PDE4B: variants seen among roughly 807,000 people sequenced by gnomAD.
PDE4B encodes the protein 3',5'-cyclic-AMP phosphodiesterase 4B.
PDE4B carries 20 observed loss-of-function variants against 82.2 expected under a neutral mutation model. The observed-to-expected ratio is 0.24, with a 90% CI of 0.17 to 0.35. PDE4B has a LOEUF of 0.35. Among genes scored for constraint, PDE4B ranks in the 10% least tolerant of loss-of-function variants. The pLI is 1.00. For missense variants in PDE4B, 655 were observed against 907.2 expected, an observed-to-expected ratio of 0.72 and a Z score of 3.57; for synonymous variants, 320 against 318.9, an observed-to-expected ratio of 1.00 and a Z score of -0.04.
chr1:66,019,265 C>T (rs1043989634), intron 3 of PDE4B, among the ~76,000 whole-genome samples: 2 of 151,202 alleles, frequency 1.3e-5, no homozygotes, highest in African/African-American at 4.9e-5. Context: ...TAGAACAAGT[C>T]GATAGTTCAC....
chr1:65,974,046 C>T (rs1046264713), intron 3 of PDE4B, among the ~76,000 whole-genome samples: 1 of 152,092 alleles, frequency 6.6e-6, no homozygotes, highest in East Asian at 1.9e-4. Flanking sequence ...CTTCTGACCT[C>T]AGGTGGTCTG....
chr1:66,201,288 G>A (rs1414694962), intron 3 of PDE4B, among the ~76,000 whole-genome samples: 27 of 152,174 alleles, frequency 1.8e-4, no homozygotes, highest in African/African-American at 5.3e-4. Flanking sequence ...GTTCATCAAG[G>A]ATATTGGTCT....
At chr1:65,889,411 T>G (rs1646827922) in intron 1 of PDE4B, among the ~76,000 whole-genome samples, 1 of 152,130 alleles carries the variant, frequency 6.6e-6, no homozygotes, top group Non-Finnish European at 1.5e-5. Flanking sequence ...TTTTCATGTT[T>G]TTGTCTAGCC....
At chr1:66,239,229 A>G (rs2101652691) in intron 3 of PDE4B, among the ~76,000 whole-genome samples, 1 of 152,318 alleles carries the variant, frequency 6.6e-6, no homozygotes, top group Non-Finnish European at 1.5e-5. Flanking sequence ...AAAATGGAGA[A>G]TGTAGCCTGG....
At chr1:66,189,387 T>G (rs28867801) in intron 3 of PDE4B, among the ~76,000 whole-genome samples, 24,334 of 152,254 alleles carry the variant, frequency 0.16, 2,178 homozygotes, top group Non-Finnish European at 0.2. Context: ...CCTACCTTGC[T>G]AGATTGGGGA....
At chr1:65,907,838 G>A (rs1647044537) in intron 1 of PDE4B, among the ~76,000 whole-genome samples, 1 of 152,140 alleles carries the variant, frequency 6.6e-6, no homozygotes, top group Non-Finnish European at 1.5e-5. Context: ...AAGGAGATGA[G>A]TAGGACTTTT....
chr1:66,331,402 T>C (rs915094386), intron 7 of PDE4B, among the ~76,000 whole-genome samples: 2 of 152,250 alleles, frequency 1.3e-5, no homozygotes, highest in Non-Finnish European at 2.9e-5. Flanking sequence ...CATTAATTCA[T>C]CTAGCATTTA....
intron 3 of PDE4B, among the ~76,000 whole-genome samples, chr1:66,199,296 C>T (rs12121415): frequency 0.51 from 77,383 of 150,546 alleles, 20,627 homozygotes; most frequent in Middle Eastern, 0.67. Flanking sequence ...TTTTAATGAT[C>T]GCCATTCTAA....
intron 3 of PDE4B, among the ~76,000 whole-genome samples, chr1:66,209,267 T>C (rs1428164273): frequency 1.3e-5 from 2 of 152,224 alleles, no homozygotes; most frequent in African/African-American, 4.8e-5. Flanking sequence ...TTATTGAAAC[T>C]ATTATTTGTT....
At chr1:65,955,058 T>G (rs1649186634) in intron 3 of PDE4B, among the ~76,000 whole-genome samples, 1 of 152,072 alleles carries the variant, frequency 6.6e-6, no homozygotes, top group African/African-American at 2.4e-5. Context: ...CACAGAGACA[T>G]AAGAAAACAG....
At chr1:66,207,156 G>A (rs1001119742) in intron 3 of PDE4B, among the ~76,000 whole-genome samples, 5 of 152,040 alleles carry the variant, frequency 3.3e-5, no homozygotes, top group Non-Finnish European at 7.4e-5. Flanking sequence ...TAAAAGATTA[G>A]GATTTTATTT....
In PDE4B at chr1:66,291,833, T is replaced by C. The variant is rs1657105918; in HGVS notation, c.634+25746T>C. On this transcript the variant is annotated intron_variant, in intron 7 of 16. Coordinates refer to ENST00000341517, the MANE Select transcript of PDE4B (RefSeq NM_002600.4). The stretch of plus-strand genomic sequence containing the variant: ...ATAATTGAGGTCAATATGAAAATTT[T>C]AGTTTCAATATCCGAGTATCTTAAC... Among the ~76,000 whole-genome samples the C allele has an allele frequency of 2.0e-5, 3 of 152,346 alleles. No homozygotes were observed. In the South Asian group the frequency reaches 6.2e-4, roughly 32 times the overall value.
chr1:65,992,296 G>T (rs1411993813), intron 3 of PDE4B: 3 of 152,240 alleles, frequency 2.0e-5, no homozygotes, highest in African/African-American at 7.2e-5. Context: ...GCGATGAAGG[G>T]TGTTGTTAAG....
At chr1:65,824,077 CTAGGGGATAGCAAT>C (rs1557765255) in intron 1 of PDE4B, among the ~76,000 whole-genome samples, 1 of 152,126 alleles carries the variant, frequency 6.6e-6, no homozygotes, top group Non-Finnish European at 1.5e-5. Context: ...ATTTTATATA[CTAGGGGATAGCAAT>C]TGTTTTGTGA....
chr1:66,039,660 G>A lies in PDE4B; in HGVS notation c.281+120825G>A, dbSNP rs147126833. On this transcript the variant is annotated intron_variant, in intron 3 of 16. Transcript: ENST00000341517. ...AGCGAGATAAACATGGATTTAAATC[G>A]TGTTGCCTTAATTTAACTATGACTC... Among the ~76,000 whole-genome samples, 3 of 152,036 alleles carry A rather than the reference G, an allele frequency of 2.0e-5. No homozygotes were observed. In the East Asian group the frequency reaches 5.8e-4, roughly 29 times the overall value.
chr1:66,329,066 G>A lies in PDE4B; in HGVS notation c.635-3442G>A, dbSNP rs186234632. On this transcript the variant is annotated intron_variant, in intron 7 of 16. Coordinates refer to ENST00000341517, the MANE Select transcript of PDE4B (RefSeq NM_002600.4). ...CTTGTGCCTGGTGGGGACACAGCTTGTCAGTCTGGCGGCTATCAGGAAGGA... is the reference window on the plus strand; with the variant it reads ...CTTGTGCCTGGTGGGGACACAGCTTATCAGTCTGGCGGCTATCAGGAAGGA... Among the ~76,000 whole-genome samples the A allele has an allele frequency of 1.8e-4, 28 of 152,308 alleles. No homozygotes were observed. The East Asian group carries it at 4.1e-3, about 22-fold the overall frequency.
At chr1:65,811,543 C>T (rs1645818657) in intron 1 of PDE4B, among the ~76,000 whole-genome samples, 1 of 152,164 alleles carries the variant, frequency 6.6e-6, no homozygotes, top group Non-Finnish European at 1.5e-5. Flanking sequence ...TCAGACACAT[C>T]ACAGGTTTAC....
intron 3 of PDE4B, among the ~76,000 whole-genome samples, chr1:66,006,823 A>T (rs1652177537): frequency 6.6e-6 from 1 of 152,220 alleles, no homozygotes; most frequent in African/African-American, 2.4e-5. Context: ...TTCTGCCATG[A>T]TTGTAAGTTT....
chr1:66,277,586 G>A (rs1222900123), intron 7 of PDE4B, among the ~76,000 whole-genome samples: 1 of 151,912 alleles, frequency 6.6e-6, no homozygotes, highest in Non-Finnish European at 1.5e-5. Context: ...AGTAGAGATG[G>A]GGTTTCACTA....
Sources: gnomAD v4.1 joint callset for allele counts (sites outside exome capture counted in the v4.1 genomes callset) on GRCh38, gnomAD v4.1.1 for gene constraint, MANE v1.5 for transcripts, NCBI Gene and HGNC (gene_info 2026-07-23, HGNC 2026-07-21) for gene names.